Variants in PHACTR2 observed in about 807,000 individuals in gnomAD.
The protein encoded by PHACTR2 is phosphatase and actin regulator 2, also known as chromosome 6 open reading frame 56.
A neutral mutation model predicts 76.0 loss-of-function variants in PHACTR2; 30 were observed. That is an observed-to-expected ratio of 0.39 (90% CI 0.30 to 0.54). PHACTR2 has a LOEUF of 0.54. Among genes scored for constraint, PHACTR2 ranks in the 20% least tolerant of loss-of-function variants. The pLI, the probability that PHACTR2 is intolerant of heterozygous loss-of-function variation, is 0.61. For synonymous variants in PHACTR2, 292 were observed against 292.5 expected (o/e 1.00, Z 0.02); for missense variants, 696 against 781.1 (o/e 0.89, Z 1.30).
chr6:143,681,994 C>T (rs1301841896), intron 1 of PHACTR2, among the ~76,000 whole-genome samples: 1 of 152,176 alleles, frequency 6.6e-6, no homozygotes, highest in African/African-American at 2.4e-5. Flanking sequence ...ATTTTGAAAC[C>T]TAGAAGTATG....
intron 1 of PHACTR2, among the ~76,000 whole-genome samples, chr6:143,614,749 C>T (rs756375831): frequency 6.6e-6 from 1 of 152,128 alleles, no homozygotes; most frequent in Non-Finnish European, 1.5e-5. Flanking sequence ...TGCCTCTAAC[C>T]TTTCACTGCT....
Position 143,578,803 on chromosome 6 carries a change from G to A in PHACTR2, c.217+41596G>A, listed in dbSNP as rs962965709. On this transcript the variant is annotated intron_variant, in intron 1 of 11. Coordinates refer to the PHACTR2 transcript ENST00000367584. This position sits in a 1 kb window ranked among gnomAD's most constrained non-coding sequence, Gnocchi z 4.5. ...AAGTGAAAGCAGCTCAAAGATGAGG[G>A]AGAAGACGATGACCAAGTGGAATAA... Among the ~76,000 whole-genome samples the A allele has an allele frequency of 6.6e-6, 1 of 152,232 alleles. No individual in the cohort carries two copies. Among genetic ancestry groups the A allele is most frequent in the East Asian group, 1.9e-4 (1 of 5,176 alleles).
chr6:143,546,454 C>T lies in PHACTR2; in HGVS notation c.217+9247C>T, dbSNP rs1268087904. Reference sequence around the variant, plus strand: ...CAATGCTTTGATTTTGGGTCCATAACTCACATACTGTAAGCATGTGACATA... The same window carrying T: ...CAATGCTTTGATTTTGGGTCCATAATTCACATACTGTAAGCATGTGACATA... On this transcript the variant is annotated intron_variant, in intron 1 of 11. Transcript: ENST00000367584. The surrounding 1 kb of genome is among the most constrained non-coding windows in gnomAD (Gnocchi z 4.9). 6.6e-6 allele frequency among the ~76,000 whole-genome samples: 1 copy of T among 151,858 alleles called. No individual in the cohort carries two copies. The highest frequency in any genetic ancestry group is 1.5e-5 in the Non-Finnish European group (1 of 67,992).
At chr6:143,593,866 G>C (rs1775720606) in intron 1 of PHACTR2, among the ~76,000 whole-genome samples, 1 of 152,136 alleles carries the variant, frequency 6.6e-6, no homozygotes, top group African/African-American at 2.4e-5. Context: ...TATGATAATA[G>C]CAACCATTTC....
In PHACTR2 at chr6:143,595,855, A is replaced by T. The variant is rs9386039; in HGVS notation, c.217+58648A>T. Among the ~76,000 whole-genome samples, 110,421 of 152,142 alleles carry T rather than the reference A, an allele frequency of 0.73. 40,398 individuals are homozygous for T. Among genetic ancestry groups the T allele is most frequent in the Middle Eastern group, 0.81 (237 of 294 alleles). ...TCATTACATGCTGATGGTGCTATTT[A>T]AACATTAATCCTTTAACCTTTTCCT... On this transcript the variant is annotated intron_variant, in intron 1 of 11. Coordinates refer to the PHACTR2 transcript ENST00000367584. The surrounding 1 kb of genome is among the most constrained non-coding windows in gnomAD (Gnocchi z 4.2).
chr6:143,684,353 G>A lies in PHACTR2; in HGVS notation c.46+6144G>A, dbSNP rs1161592451. Reference sequence around the variant, plus strand: ...GCCCAAGATCTAGGAGTTATTCTTAGGTTTTCCTTTCCCCCTCCACATGGA... The same window carrying A: ...GCCCAAGATCTAGGAGTTATTCTTAAGTTTTCCTTTCCCCCTCCACATGGA... On this transcript the variant is annotated intron_variant, in intron 1 of 12. Transcript: ENST00000440869. The surrounding 1 kb of genome is among the most constrained non-coding windows in gnomAD (Gnocchi z 4.3). 6.6e-6 allele frequency among the ~76,000 whole-genome samples: 1 copy of A among 152,052 alleles called. No homozygotes were observed. Among genetic ancestry groups the A allele is most frequent in the Non-Finnish European group, 1.5e-5 (1 of 68,014 alleles).
At chr6:143,574,534 T>C (rs1233685360) in intron 1 of PHACTR2, among the ~76,000 whole-genome samples, 1 of 152,288 alleles carries the variant, frequency 6.6e-6, no homozygotes, top group Middle Eastern at 3.4e-3. Flanking sequence ...TTATAACTAT[T>C]TTTTTTTCTA....
At position 143,596,102 on chromosome 6, in the gene PHACTR2, A is replaced by G. The variant is rs562374243; in HGVS notation, c.217+58895A>G. ...TAATTTACTAATCATTATGCTTATT[A>G]AGTAATTTAACTATCTCAAATGAAT... On this transcript the variant is annotated intron_variant, in intron 1 of 11. Coordinates refer to the PHACTR2 transcript ENST00000367584. This position sits in a 1 kb window ranked among gnomAD's most constrained non-coding sequence, Gnocchi z 4.6. 6.6e-6 allele frequency among the ~76,000 whole-genome samples: 1 copy of G among 152,348 alleles called. No individual in the cohort carries two copies. Among genetic ancestry groups the G allele is most frequent in the East Asian group, 1.9e-4 (1 of 5,192 alleles).
chr6:143,765,336 G>T lies in PHACTR2; in HGVS notation c.770G>T (p.Arg257Leu), dbSNP rs566532922. 1.2e-6 allele frequency: 2 copies of T among 1,614,026 alleles called. No homozygotes were observed. Among genetic ancestry groups the T allele is most frequent in the East Asian group, 2.2e-5 (1 of 44,884 alleles). Residue 257 changes from arginine to leucine, a missense_variant, in exon 6 of 13, where the codon CGT (arginine) becomes CTT (leucine). Arg to Leu is a moderately radical substitution (Grantham distance 102). Transcript: ENST00000440869. The surrounding 1 kb of genome is among the most constrained non-coding windows in gnomAD (Gnocchi z 4.1). ...ASPSTSSTSS[R>L]PKASKETVSS... ...CCATCCACTTCATCCACCTCATCTC[G>T]TCCCAAAGCTTCAAAGGAGACAGTT...
At chr6:143,720,418 A>C (rs1778412821) in intron 2 of PHACTR2, among the ~76,000 whole-genome samples, 1 of 152,126 alleles carries the variant, frequency 6.6e-6, no homozygotes, top group African/African-American at 2.4e-5. Context: ...GTTCCTGGGA[A>C]GGTAACATTG....
chr6:143,682,580 C>A (rs1029891853), intron 1 of PHACTR2, among the ~76,000 whole-genome samples: 2 of 152,142 alleles, frequency 1.3e-5, no homozygotes, highest in Non-Finnish European at 2.9e-5. Flanking sequence ...TATACATGAT[C>A]ATACTATATA....
In PHACTR2 at chr6:143,663,147, A is replaced by G. The variant is rs1165011444; in HGVS notation, c.14-48869A>G. On this transcript the variant is annotated intron_variant, in intron 1 of 11. Transcript: ENST00000305766. This position sits in a 1 kb window ranked among gnomAD's most constrained non-coding sequence, Gnocchi z 4.1. Reference sequence around the variant, plus strand: ...CCTAGGTTGATTCCATGTCTCTGCTATTGTGAATAGCACAGTGATGAACGT... The same window carrying G: ...CCTAGGTTGATTCCATGTCTCTGCTGTTGTGAATAGCACAGTGATGAACGT... Among the ~76,000 whole-genome samples, 1 of 152,136 alleles carries G rather than the reference A, an allele frequency of 6.6e-6. No homozygotes were observed. Among genetic ancestry groups the G allele is most frequent in the African/African-American group, 2.4e-5 (1 of 41,418 alleles).
At chr6:143,612,768 A>G (rs1047575788) in intron 1 of PHACTR2, among the ~76,000 whole-genome samples, 1 of 152,098 alleles carries the variant, frequency 6.6e-6, no homozygotes, top group Non-Finnish European at 1.5e-5. Context: ...AAAAAATTAG[A>G]ACAGATTTTC....
At chr6:143,725,785 C>A (rs1439828520) in intron 2 of PHACTR2, among the ~76,000 whole-genome samples, 2 of 149,734 alleles carry the variant, frequency 1.3e-5, no homozygotes, top group Non-Finnish European at 2.9e-5. Context: ...GAGACTGAGC[C>A]ACTGCACACC....
At chr6:143,718,694 C>T (rs1335837158) in intron 2 of PHACTR2, among the ~76,000 whole-genome samples, 2 of 152,144 alleles carry the variant, frequency 1.3e-5, no homozygotes, top group African/African-American at 4.8e-5. Context: ...ATAATATTCT[C>T]TTGTAACCAT....
At chr6:143,612,863 C>G (rs1776000476) in intron 1 of PHACTR2, among the ~76,000 whole-genome samples, 1 of 152,166 alleles carries the variant, frequency 6.6e-6, no homozygotes. Flanking sequence ...TATTAACTAC[C>G]AAGCAAATGA....
Position 143,790,702 on chromosome 6 carries a change from C to T in PHACTR2, c.1845+1792C>T, listed in dbSNP as rs1282094740. 2.1e-5 allele frequency among the ~76,000 whole-genome samples: 3 copies of T among 144,008 alleles called. No homozygotes were observed. In the East Asian group the frequency reaches 6.1e-4, roughly 29 times the overall value. 94.5% of individuals were successfully genotyped at this position (144,008 alleles called of 152,430 possible). ...TTTTTTTTTTTTTTTGAGACGGAGT[C>T]TCACTCTGTCACCCAGGCTGGAGTG... On this transcript the variant is annotated intron_variant, in intron 11 of 12. Coordinates refer to ENST00000440869, the MANE Select transcript of PHACTR2 (RefSeq NM_001100164.2).
rs1299784505 is a variant in PHACTR2 at position 143,754,536 on chromosome 6, A to G, written c.454+624A>G. ...CAGAGGCGATTATGCTATTCCCAGA[A>G]GACTTCTTTAGAGACCTTGGTTCCT... On this transcript the variant is annotated intron_variant, in intron 4 of 12. Transcript: ENST00000440869. The surrounding 1 kb of genome is among the most constrained non-coding windows in gnomAD (Gnocchi z 6.2). Among the ~76,000 whole-genome samples the G allele has an allele frequency of 6.6e-6, 1 of 152,214 alleles. No individual in the cohort carries two copies. The highest frequency in any genetic ancestry group is 1.5e-5 in the Non-Finnish European group (1 of 68,040).
At chr6:143,744,588 G>A (rs1041417077) in intron 2 of PHACTR2, among the ~76,000 whole-genome samples, 1 of 152,176 alleles carries the variant, frequency 6.6e-6, no homozygotes, top group African/African-American at 2.4e-5. Context: ...AGGATGGAGT[G>A]AGTCTAGCAG....
Sources: gnomAD v4.1 joint callset for allele counts (sites outside exome capture counted in the v4.1 genomes callset) on GRCh38, gnomAD v4.1.1 for gene constraint, Gnocchi (gnomAD v3.1) non-coding constraint, MANE v1.5 for transcripts, NCBI Gene and HGNC (gene_info 2026-07-23, HGNC 2026-07-21) for gene names.